Variants in LUZP2 observed in about 807,000 individuals in gnomAD.
The protein encoded by LUZP2 is leucine zipper protein 2.
A neutral mutation model predicts 51.6 loss-of-function variants in LUZP2; 52 were observed. The observed-to-expected ratio is 1.01, with a 90% CI of 0.81 to 1.27. The LOEUF is 1.27. LUZP2 is among the 50% of genes most tolerant of loss of function. The probability of loss-of-function intolerance (pLI) is 0.00; values close to 1 mark genes in which losing one functional copy is unlikely to be tolerated. For synonymous variants in LUZP2, 154 were observed against 137.3 expected, an observed-to-expected ratio of 1.12 and a Z score of -0.85; for missense variants, 436 against 395.4, an observed-to-expected ratio of 1.10 and a Z score of -0.87.
intron 4 of LUZP2, among the ~76,000 whole-genome samples, chr11:24,751,897 T>A (rs1021781385): frequency 6.6e-6 from 1 of 151,706 alleles, no homozygotes; most frequent in Non-Finnish European, 1.5e-5. Flanking sequence ...TAATAACACA[T>A]AGAAAAACAA....
intron 5 of LUZP2, among the ~76,000 whole-genome samples, chr11:24,784,828 T>TTGTATATGATTAGACATATAA (rs1415401341): frequency 6.6e-6 from 1 of 152,094 alleles, no homozygotes; most frequent in African/African-American, 2.4e-5. Flanking sequence ...GGAACATATA[T>TTGTATATGATTAGACATATAA]TGTATATGAT....
chr11:24,681,222 C>T (rs10767236), intron 1 of LUZP2, among the ~76,000 whole-genome samples: 27,954 of 151,704 alleles, frequency 0.18, 2,657 homozygotes, highest in East Asian at 0.32. Flanking sequence ...ACCTCATGAT[C>T]CACCCGCCTC....
intron 1 of LUZP2, among the ~76,000 whole-genome samples, chr11:24,591,991 C>T (rs1468774744): frequency 8.5e-5 from 13 of 152,094 alleles, no homozygotes; most frequent in Admixed American, 8.5e-4. Context: ...TGTAATAGAC[C>T]TGTTATATTT....
At chr11:24,683,363 T>C (rs545409119) in intron 1 of LUZP2, among the ~76,000 whole-genome samples, 35 of 152,306 alleles carry the variant, frequency 2.3e-4, no homozygotes, top group African/African-American at 8.2e-4. Flanking sequence ...GCTTGACTGA[T>C]TTAGGGGGCT....
At chr11:24,659,424 G>A (rs1005901471) in intron 1 of LUZP2, among the ~76,000 whole-genome samples, 1 of 152,102 alleles carries the variant, frequency 6.6e-6, no homozygotes, top group African/African-American at 2.4e-5. Context: ...CTGTTGTGGG[G>A]TGGGGGGAGC....
intron 7 of LUZP2, among the ~76,000 whole-genome samples, chr11:24,959,961 G>A (rs1267307476): frequency 6.6e-6 from 1 of 152,002 alleles, no homozygotes; most frequent in Admixed American, 6.6e-5. Flanking sequence ...TTAGCATGAA[G>A]GTTGTTGAAT....
intron 5 of LUZP2, among the ~76,000 whole-genome samples, chr11:24,792,140 A>T (rs1380334655): frequency 6.6e-6 from 1 of 152,100 alleles, no homozygotes; most frequent in Non-Finnish European, 1.5e-5. Context: ...AAGAAATATA[A>T]CTTTATGGCC....
At chr11:24,566,906 T>C (rs1360184528) in intron 1 of LUZP2, among the ~76,000 whole-genome samples, 1 of 2,886 alleles carries the variant, frequency 3.5e-4, no homozygotes, top group Non-Finnish European at 6.9e-4. Flanking sequence ...ATATATGTTA[T>C]ATATATATAT....
intron 5 of LUZP2, among the ~76,000 whole-genome samples, chr11:24,881,622 T>A (rs1206770325): frequency 6.6e-6 from 1 of 151,980 alleles, no homozygotes; most frequent in Non-Finnish European, 1.5e-5. Flanking sequence ...GGGAACACAA[T>A]GTTAGGAGTA....
At chr11:24,601,220 C>A (rs912037116) in intron 1 of LUZP2, among the ~76,000 whole-genome samples, 4 of 151,934 alleles carry the variant, frequency 2.6e-5, no homozygotes, top group African/African-American at 7.3e-5. Flanking sequence ...CAAATTCTAC[C>A]CACAAATGGA....
chr11:24,525,026 T>C (rs1340845325), intron 1 of LUZP2, among the ~76,000 whole-genome samples: 2 of 151,646 alleles, frequency 1.3e-5, no homozygotes, highest in Non-Finnish European at 3.0e-5. Flanking sequence ...TATTTGCCAC[T>C]AATGGATTTC....
intron 5 of LUZP2, among the ~76,000 whole-genome samples, chr11:24,876,929 G>C (rs189063243): frequency 1.2e-4 from 18 of 152,162 alleles, no homozygotes; most frequent in African/African-American, 3.9e-4. Context: ...GAAGGGGTCT[G>C]GTTCTTAACA....
intron 4 of LUZP2, among the ~76,000 whole-genome samples, chr11:24,761,119 A>G (rs1859962356): frequency 6.6e-6 from 1 of 152,166 alleles, no homozygotes; most frequent in African/African-American, 2.4e-5. Flanking sequence ...TGTTATAAAG[A>G]AATACCTGAG....
rs934023594 is a variant in LUZP2, at chr11:24,825,990, G to A, written c.396+62682G>A. 1.3e-4 allele frequency among the ~76,000 whole-genome samples: 20 copies of A among 151,348 alleles called. 1 individual carries two copies. Among genetic ancestry groups the A allele is most frequent in the Admixed American group, 1.3e-3 (20 of 15,206 alleles). On this transcript the variant is annotated intron_variant, in intron 5 of 11. Transcript: ENST00000336930. ...CACGAGGTCAGGAGATCGAGACCAC[G>A]GTGAAACCCTGTCTCTACTAAAAAT...
intron 1 of LUZP2, among the ~76,000 whole-genome samples, chr11:24,688,574 G>T (rs1156994392): frequency 3.3e-5 from 5 of 151,762 alleles, no homozygotes; most frequent in African/African-American, 1.2e-4. Context: ...CAACTCCCAG[G>T]TATGACCTTT....
chr11:24,782,109 GGTGT>G (rs1849113176), intron 5 of LUZP2, among the ~76,000 whole-genome samples: 1 of 152,014 alleles, frequency 6.6e-6, no homozygotes, highest in Admixed American at 6.6e-5. Context: ...TTCAGAATCA[GGTGT>G]GACTTGAGGT....
intron 9 of LUZP2, among the ~76,000 whole-genome samples, chr11:25,012,483 T>A (rs149128970): frequency 6.6e-6 from 1 of 152,310 alleles, no homozygotes; most frequent in African/African-American, 2.4e-5. Flanking sequence ...TTTACTTCCT[T>A]CTTTGCCCTT....
chr11:24,871,488 T>TC (rs926671496), intron 5 of LUZP2, among the ~76,000 whole-genome samples: 82 of 152,160 alleles, frequency 5.4e-4, no homozygotes, highest in African/African-American at 1.9e-3. Flanking sequence ...CTTGAATTCA[T>TC]CCCCCCTGGC....
intron 5 of LUZP2, among the ~76,000 whole-genome samples, chr11:24,879,984 C>T (rs1852408092): frequency 6.6e-6 from 1 of 152,152 alleles, no homozygotes; most frequent in Non-Finnish European, 1.5e-5. Flanking sequence ...GTCACATGCT[C>T]CCCATGTCCA....
Sources: allele counts gnomAD v4.1 joint callset (sites outside exome capture counted in the v4.1 genomes callset), GRCh38; gene constraint gnomAD v4.1.1; transcripts MANE v1.5; gene names NCBI Gene and HGNC (gene_info 2026-07-23, HGNC 2026-07-21).